SEMA3A: variants seen among roughly 807,000 people sequenced by gnomAD.
SEMA3A encodes semaphorin 3A, also known as semaphorin-3A.
SEMA3A carries 29 observed loss-of-function variants against 97.9 expected under a neutral mutation model. The observed-to-expected ratio is 0.30, with a 90% CI of 0.22 to 0.40. The LOEUF is 0.40. Among genes scored for constraint, SEMA3A ranks in the 10% least tolerant of loss-of-function variants. The pLI, the probability that SEMA3A is intolerant of heterozygous loss-of-function variation, is 1.00. For missense variants in SEMA3A, 763 were observed against 951.3 expected (o/e 0.80, Z 2.60); for synonymous variants, 321 against 323.7 (o/e 0.99, Z 0.09).
chr7:84,080,942 G>A (rs1213692619), intron 4 of SEMA3A, among the ~76,000 whole-genome samples: 3 of 151,696 alleles, frequency 2.0e-5, no homozygotes, highest in Non-Finnish European at 2.9e-5. Context: ...TACATGTGGG[G>A]ACAATATTAA....
At chr7:84,297,399 T>C (rs991958377) in intron 3 of SEMA3A, among the ~76,000 whole-genome samples, 1 of 152,142 alleles carries the variant, frequency 6.6e-6, no homozygotes, top group Non-Finnish European at 1.5e-5. Context: ...TTTTTTTGAC[T>C]TCACAATTTT....
intron 1 of SEMA3A, among the ~76,000 whole-genome samples, chr7:84,140,184 A>T (rs1012825039): frequency 1.3e-5 from 2 of 152,170 alleles, no homozygotes; most frequent in Middle Eastern, 3.4e-3. Context: ...ATGATGATTC[A>T]CCCCTACATA....
Position 84,290,532 on chromosome 7 carries a change from C to T in SEMA3A, c.-83+16675G>A, listed in dbSNP as rs558138990. 1.7e-3 allele frequency among the ~76,000 whole-genome samples: 255 copies of T among 152,126 alleles called. 1 individual carries two copies. The highest frequency in any genetic ancestry group is 5.4e-3 in the African/African-American group (224 of 41,516). On this transcript the variant is annotated intron_variant, in intron 3 of 3. Transcript: ENST00000424555. ...TTCACACAGCTGAAGCTTCACCTTC[C>T]TTTCACGTGACAGCCTTCAAATTGT...
At position 84,123,476 on chromosome 7, in the gene SEMA3A, G is replaced by C. The variant is rs532521403; in HGVS notation, c.333+5647C>G. On this transcript the variant is annotated intron_variant, in intron 3 of 16. Transcript: ENST00000265362. ...AATGCCACAGCAATTTGAAGGTTTA[G>C]AATCTACAATACCAAAAAAGACATA... Among the ~76,000 whole-genome samples, 6 of 151,886 alleles carry C rather than the reference G, an allele frequency of 4.0e-5. No homozygotes were observed. The South Asian group carries it at 1.2e-3, about 32-fold the overall frequency.
intron 1 of SEMA3A, among the ~76,000 whole-genome samples, chr7:84,190,866 T>C (rs1798016907): frequency 6.6e-6 from 1 of 150,712 alleles, no homozygotes; most frequent in South Asian, 2.1e-4. Flanking sequence ...GAAGTTATTT[T>C]CTGAATTATA....
rs1335598590 is a variant in SEMA3A at position 83,958,669 on chromosome 7, T to C, written c.*2702A>G. ...CTTCCTCTTTTTCTCCCAAATTATT[T>C]ACATCTTTTTTTTGCCTAATGTGTA... On this transcript the variant is annotated 3_prime_UTR_variant, in exon 17 of 17. Transcript: ENST00000265362. 1 of 152,512 alleles carries C rather than the reference T, an allele frequency of 6.6e-6. No individual in the cohort carries two copies. Among genetic ancestry groups the C allele is most frequent in the East Asian group, 1.9e-4 (1 of 5,180 alleles). 9.4% of individuals were successfully genotyped at this position (152,512 alleles called of 1,614,324 possible).
At chr7:84,359,307 T>C (rs13438030) in intron 2 of SEMA3A, among the ~76,000 whole-genome samples, 42,760 of 150,720 alleles carry the variant, frequency 0.28, 6,504 homozygotes, top group African/African-American at 0.38. Flanking sequence ...TTTTGAGATC[T>C]GTCCCATCAA....
At chr7:84,411,810 A>C (rs891661151) in intron 1 of SEMA3A, among the ~76,000 whole-genome samples, 2 of 151,942 alleles carry the variant, frequency 1.3e-5, no homozygotes, top group African/African-American at 4.8e-5. Flanking sequence ...TTTTTCTTTC[A>C]AGAAGAGGTC....
At chr7:84,462,712 CT>C (rs2116391103) in intron 1 of SEMA3A, among the ~76,000 whole-genome samples, 2 of 152,120 alleles carry the variant, frequency 1.3e-5, no homozygotes, top group South Asian at 4.2e-4. Context: ...AAAAGTTCAC[CT>C]TTTTAGCATG....
chr7:84,229,143 A>T (rs1415348400), intron 3 of SEMA3A, among the ~76,000 whole-genome samples: 1 of 151,990 alleles, frequency 6.6e-6, no homozygotes, highest in Non-Finnish European at 1.5e-5. Context: ...TTGCTTTAAA[A>T]TTGTGGACTA....
intron 2 of SEMA3A, among the ~76,000 whole-genome samples, chr7:84,338,041 A>G (rs895229402): frequency 2.0e-5 from 3 of 152,064 alleles, no homozygotes; most frequent in Non-Finnish European, 1.5e-5. Flanking sequence ...AAATATTTTT[A>G]TCATAATGTT....
chr7:84,362,821 T>G (rs1037537899), intron 2 of SEMA3A, among the ~76,000 whole-genome samples: 4 of 151,948 alleles, frequency 2.6e-5, no homozygotes, highest in African/African-American at 9.7e-5. Flanking sequence ...AAACACAAAG[T>G]AATTGTCATA....
intron 4 of SEMA3A, among the ~76,000 whole-genome samples, chr7:84,075,406 G>A (rs1355120269): frequency 4.0e-5 from 6 of 149,592 alleles, no homozygotes; most frequent in East Asian, 2.0e-4. Flanking sequence ...TGATCCACCC[G>A]CCTCGGCCTC....
intron 3 of SEMA3A, among the ~76,000 whole-genome samples, chr7:84,291,662 G>C (rs1252207197): frequency 6.6e-6 from 1 of 152,032 alleles, no homozygotes; most frequent in African/African-American, 2.4e-5. Context: ...AAATAAGGAA[G>C]GGCCATCCAG....
intron 2 of SEMA3A, among the ~76,000 whole-genome samples, chr7:84,311,707 A>G (rs1216483512): frequency 1.3e-5 from 2 of 151,990 alleles, no homozygotes; most frequent in African/African-American, 2.4e-5. Flanking sequence ...GAAAAAAGAT[A>G]TGCAAATTAA....
At chr7:84,301,390 A>G (rs556204027) in intron 3 of SEMA3A, among the ~76,000 whole-genome samples, 1 of 152,282 alleles carries the variant, frequency 6.6e-6, no homozygotes, top group South Asian at 2.1e-4. Context: ...ATAATTCAAT[A>G]ATAAGGCCAG....
intron 3 of SEMA3A, among the ~76,000 whole-genome samples, chr7:84,209,567 G>C (rs946715956): frequency 6.6e-6 from 1 of 152,034 alleles, no homozygotes; most frequent in South Asian, 2.1e-4. Context: ...GCTGAAAATA[G>C]TATATCCAAA....
chr7:84,386,883 C>G (rs371426277), intron 1 of SEMA3A, among the ~76,000 whole-genome samples: 2 of 151,974 alleles, frequency 1.3e-5, no homozygotes, highest in South Asian at 4.2e-4. Context: ...GCCTGTAATC[C>G]CAGCTACTAG....
chr7:84,131,683 A>G (rs999817495), intron 2 of SEMA3A, among the ~76,000 whole-genome samples: 1 of 152,256 alleles, frequency 6.6e-6, no homozygotes, highest in Non-Finnish European at 1.5e-5. Flanking sequence ...TGTTCATCAC[A>G]ATAGGCGCTT....
Sources: gnomAD v4.1 joint callset for allele counts (sites outside exome capture counted in the v4.1 genomes callset) on GRCh38, gnomAD v4.1.1 for gene constraint, MANE v1.5 for transcripts, NCBI Gene and HGNC (gene_info 2026-07-23, HGNC 2026-07-21) for gene names.